MCC: variants seen among roughly 807,000 people sequenced by gnomAD.
MCC encodes colorectal mutant cancer protein.
Under a neutral mutation model 116.2 loss-of-function variants are expected in MCC, and 90 were observed. The observed-to-expected ratio is 0.77, with a 90% CI of 0.65 to 0.92. The LOEUF is 0.92. Among genes scored for constraint, MCC ranks in the 40% least tolerant of loss-of-function variants. The pLI is 0.00. For missense variants in MCC, 1,516 were observed against 1,312.2 expected (o/e 1.16, Z -2.40); for synonymous variants, 578 against 510.5 (o/e 1.13, Z -1.78).
intron 2 of MCC, among the ~76,000 whole-genome samples, chr5:113,383,725 T>C (rs1025479194): frequency 1.7e-4 from 26 of 152,134 alleles, no homozygotes; most frequent in Non-Finnish European, 1.5e-4. Flanking sequence ...TTTCTACATA[T>C]TATGTTAAGA....
intron 1 of MCC, among the ~76,000 whole-genome samples, chr5:113,404,291 T>C (rs529281515): frequency 2.6e-5 from 4 of 152,328 alleles, no homozygotes; most frequent in Non-Finnish European, 4.4e-5. Flanking sequence ...CTTCCCTTAT[T>C]TCCCTCATCT....
At chr5:113,420,593 C>T (rs1173927330) in intron 1 of MCC, among the ~76,000 whole-genome samples, 1 of 152,210 alleles carries the variant, frequency 6.6e-6, no homozygotes, top group African/African-American at 2.4e-5. Flanking sequence ...AACTAAGAAT[C>T]CACGTGACAG....
chr5:113,256,732 A>T (rs1460456905), intron 3 of MCC, among the ~76,000 whole-genome samples: 1 of 152,200 alleles, frequency 6.6e-6, no homozygotes, highest in South Asian at 2.1e-4. Context: ...GCCGCTGCAG[A>T]CACTGCTACC....
chr5:113,485,794 A>G (rs535609617), intron 1 of MCC, among the ~76,000 whole-genome samples: 1 of 152,244 alleles, frequency 6.6e-6, no homozygotes, highest in Non-Finnish European at 1.5e-5. Flanking sequence ...TACTGTGATG[A>G]CATATAGTCA....
At chr5:113,168,495 T>C (rs190997257) in intron 3 of MCC, among the ~76,000 whole-genome samples, 1 of 152,324 alleles carries the variant, frequency 6.6e-6, no homozygotes, top group East Asian at 1.9e-4. Context: ...TGAGCTGTGC[T>C]ACATAAGTTA....
chr5:113,144,806 T>C (rs10463646), intron 4 of MCC, among the ~76,000 whole-genome samples: 81,932 of 151,992 alleles, frequency 0.54, 23,736 homozygotes, highest in East Asian at 0.72. Flanking sequence ...CTTAGAGGGA[T>C]ACTTTCAGGA....
intron 3 of MCC, among the ~76,000 whole-genome samples, chr5:113,173,412 AATATT>A (rs1761172760): frequency 6.6e-6 from 1 of 152,214 alleles, no homozygotes. Context: ...TCTAAATGAC[AATATT>A]ATGTTTAATG....
chr5:113,478,873 C>G (rs1243986774), intron 1 of MCC, among the ~76,000 whole-genome samples: 1 of 152,128 alleles, frequency 6.6e-6, no homozygotes, highest in Non-Finnish European at 1.5e-5. Flanking sequence ...ACTTTCTTTC[C>G]CTGTGTTTCT....
intron 1 of MCC, among the ~76,000 whole-genome samples, chr5:113,451,422 T>A (rs1157939201): frequency 6.6e-6 from 1 of 152,264 alleles, no homozygotes; most frequent in Non-Finnish European, 1.5e-5. Flanking sequence ...ATGTTTTGTA[T>A]CATCTCCATT....
intron 1 of MCC, among the ~76,000 whole-genome samples, chr5:113,389,009 A>G (rs1395998571): frequency 2.0e-5 from 3 of 152,216 alleles, no homozygotes; most frequent in African/African-American, 7.2e-5. Context: ...AAGGTCATGA[A>G]TTAACAACGC....
At chr5:113,092,952 A>T (rs943001932) in intron 8 of MCC, among the ~76,000 whole-genome samples, 1 of 152,182 alleles carries the variant, frequency 6.6e-6, no homozygotes, top group African/African-American at 2.4e-5. Flanking sequence ...AAGCAATTTG[A>T]TTGTCAGCTG....
chr5:113,385,197 C>G lies in MCC; in HGVS notation c.186G>C (p.Met62Ile). 11 of 1,613,700 alleles carry G rather than the reference C, an allele frequency of 6.8e-6. No homozygotes were observed. The highest frequency in any genetic ancestry group is 9.3e-6 in the Non-Finnish European group (11 of 1,179,808). Residue 62 changes from methionine (M) to isoleucine (I), a missense_variant, in exon 2 of 19, where the codon ATG becomes ATC. Physicochemically the swap from Met to Ile is conservative, Grantham distance 10. Coordinates refer to ENST00000408903, the MANE Select transcript of MCC (RefSeq NM_001085377.2). ...DGYISRNDLL[M>I]VCRQLNMEES... ...CTTCCATATTCAGCTGGCGACAGAC[C>G]ATTAGCAAGTCATTTCTGCAGAAGG...
chr5:113,260,571 T>C (rs1452056992), intron 3 of MCC, among the ~76,000 whole-genome samples: 1 of 152,168 alleles, frequency 6.6e-6, no homozygotes. Flanking sequence ...AATGGTGCTT[T>C]TTAGTAGTTA....
Position 113,080,641 on chromosome 5 carries a change from C to G in MCC, c.1784+2219G>C, listed in dbSNP as rs139559644. ...ACACACGGTGTGGAACATCACACAC[C>G]GGGGCCTGTCGTGGGGTGGAGGGAG... On this transcript the variant is annotated intron_variant, in intron 11 of 18. Transcript: ENST00000408903. Among the ~76,000 whole-genome samples the G allele has an allele frequency of 2.0e-4, 31 of 152,056 alleles. No individual in the cohort carries two copies. In the East Asian group the frequency reaches 5.6e-3, roughly 28 times the overall value.
intron 1 of MCC, among the ~76,000 whole-genome samples, chr5:113,402,211 G>A (rs1488564546): frequency 1.3e-5 from 2 of 150,174 alleles, no homozygotes; most frequent in South Asian, 2.1e-4. Context: ...GGAGAATGGC[G>A]TGAACCCGGG....
At position 113,027,168 on chromosome 5, in the gene MCC, C is replaced by G. The variant is rs1750604840; in HGVS notation, c.*134G>C. Reference sequence around the variant, plus strand: ...GCCCCAAGGGTTGAGTTGGGGCACTCCATTGTCCAAGTGCCGACCTACCTG... The same window carrying G: ...GCCCCAAGGGTTGAGTTGGGGCACTGCATTGTCCAAGTGCCGACCTACCTG... On this transcript the variant is annotated 3_prime_UTR_variant, in exon 19 of 19. Transcript: ENST00000408903. The G allele has an allele frequency of 2.3e-6, 2 of 863,066 alleles. No homozygotes were observed. Among genetic ancestry groups the G allele is most frequent in the Non-Finnish European group, 3.5e-6 (2 of 568,446 alleles). The allele number at this position is 863,066 out of a possible 1,614,324, so 53.5% of individuals were successfully genotyped here.
chr5:113,068,299 C>T (rs1302474005), intron 12 of MCC, 116 bp from the exon 13 acceptor site: 2 of 725,640 alleles, frequency 2.8e-6, no homozygotes, highest in Non-Finnish European at 4.8e-6. Context: ...ACTCTCCACA[C>T]AGGCAAGGAA....
At chr5:113,345,579 C>T (rs758494442) in intron 2 of MCC, among the ~76,000 whole-genome samples, 90 of 152,192 alleles carry the variant, frequency 5.9e-4, no homozygotes, top group Middle Eastern at 3.2e-3. Context: ...AGAGAGGCTT[C>T]GTATGTTTGG....
intron 3 of MCC, among the ~76,000 whole-genome samples, chr5:113,282,770 G>A (rs1581363392): frequency 6.6e-6 from 1 of 152,106 alleles, no homozygotes; most frequent in East Asian, 1.9e-4. Context: ...AATCAAGCAT[G>A]AAAATAAATT....
Sources: allele counts gnomAD v4.1 joint callset (sites outside exome capture counted in the v4.1 genomes callset), GRCh38; gene constraint gnomAD v4.1.1; transcripts MANE v1.5; gene names NCBI Gene and HGNC (gene_info 2026-07-23, HGNC 2026-07-21).